The following SCHIP1 variants were observed in gnomAD, a reference collection of about 807,000 sequenced individuals.
SCHIP1 encodes schwannomin interacting protein 1.
A neutral mutation model predicts 29.7 loss-of-function variants in SCHIP1; 8 were observed. That is an observed-to-expected ratio of 0.27 (90% CI 0.16 to 0.49). The LOEUF is 0.49. Ranked by LOEUF, SCHIP1 falls within the 20% of genes least tolerant of loss-of-function variation. The pLI, the probability that SCHIP1 is intolerant of heterozygous loss-of-function variation, is 0.99. For synonymous variants in SCHIP1, 76 were observed against 94.9 expected (o/e 0.80, Z 1.16); for missense variants, 193 against 294.6 (o/e 0.66, Z 2.52).
chr3:159,850,542 C>CAAAAAAAAAAAAAAAAAAAAAAAAAAA (rs61224003), intron 1 of SCHIP1, among the ~76,000 whole-genome samples: 1 of 104,938 alleles, frequency 9.5e-6, no homozygotes, highest in Non-Finnish European at 2.0e-5. Flanking sequence ...GATTCCATCT[C>CAAAAAAAAAAAAAAAAAAAAAAAAAAA]AAAAAAAAAA....
the SCHIP1 span, among the ~76,000 whole-genome samples, chr3:159,614,852 C>T: frequency 2.6e-5 from 4 of 152,190 alleles, no homozygotes; most frequent in African/African-American, 7.2e-5. Flanking sequence ...TGCTATCAGC[C>T]AGGCACTGTG....
the SCHIP1 span, among the ~76,000 whole-genome samples, chr3:159,521,031 C>T: frequency 4.1e-4 from 62 of 152,258 alleles, no homozygotes; most frequent in African/African-American, 1.3e-3. Flanking sequence ...TCAAAGAGAG[C>T]ATATTAAAAT....
the SCHIP1 span, among the ~76,000 whole-genome samples, chr3:159,468,324 A>G: frequency 6.6e-6 from 1 of 152,144 alleles, no homozygotes; most frequent in African/African-American, 2.4e-5. Context: ...GTGTTATCCA[A>G]AAATAAATAT....
the SCHIP1 span, among the ~76,000 whole-genome samples, chr3:159,829,997 T>C: frequency 6.6e-6 from 1 of 152,238 alleles, no homozygotes; most frequent in Non-Finnish European, 1.5e-5. Flanking sequence ...TTTGAATAAG[T>C]TTCTTGCTAC....
the SCHIP1 span, among the ~76,000 whole-genome samples, chr3:159,348,488 C>T: frequency 6.6e-6 from 1 of 152,094 alleles, no homozygotes; most frequent in Non-Finnish European, 1.5e-5. Flanking sequence ...CTATCTAACT[C>T]GTACTTTTTA....
intron 2 of SCHIP1, among the ~76,000 whole-genome samples, chr3:159,883,827 G>A (rs565417478): frequency 2.0e-5 from 3 of 151,948 alleles, no homozygotes; most frequent in Admixed American, 6.6e-5. Context: ...TTGATTTTAC[G>A]CAGACTACTA....
the SCHIP1 span, among the ~76,000 whole-genome samples, chr3:159,833,896 G>A: frequency 2.0e-5 from 3 of 151,978 alleles, no homozygotes; most frequent in South Asian, 2.1e-4. Flanking sequence ...TCCTTATCTT[G>A]CTCACTCCCC....
At chr3:159,626,086 T>TTATA in the SCHIP1 span, among the ~76,000 whole-genome samples, 12 of 103,624 alleles carry the variant, frequency 1.2e-4, 1 homozygote, top group African/African-American at 6.9e-4. Flanking sequence ...AGAGTGCAGC[T>TTATA]TATATAGATA....
chr3:159,275,241 A>G, the SCHIP1 span: 1,969 of 313,950 alleles, frequency 6.3e-3, 15 homozygotes, highest in South Asian at 0.026. Context: ...AGTTTTTTTA[A>G]GTTTCATTTC....
At chr3:159,896,660 TG>T in intron 6 of SCHIP1, 62 bp from the exon 8 acceptor site, 1 of 1,483,754 alleles carries the variant, frequency 6.7e-7, no homozygotes, top group Non-Finnish European at 9.0e-7. Flanking sequence ...CTGTAGCTAT[TG>T]ATTGAAAAGC....
the SCHIP1 span, among the ~76,000 whole-genome samples, chr3:159,345,099 G>C: frequency 6.6e-6 from 1 of 151,712 alleles, no homozygotes; most frequent in African/African-American, 2.4e-5. Flanking sequence ...GTGGTGGTGG[G>C]TGCCTGTAAT....
the SCHIP1 span, chr3:159,273,852 G>T: frequency 8.7e-6 from 14 of 1,613,398 alleles, no homozygotes; most frequent in Non-Finnish European, 9.3e-6. Flanking sequence ...GTTACAACGT[G>T]GGACTGTGAC....
chr3:159,497,514 G>A, the SCHIP1 span, among the ~76,000 whole-genome samples: 9 of 152,008 alleles, frequency 5.9e-5, no homozygotes, highest in Non-Finnish European at 8.8e-5. Flanking sequence ...GGAAGAAACT[G>A]GGGCCCAGAA....
the SCHIP1 span, among the ~76,000 whole-genome samples, chr3:159,288,379 A>C: frequency 1.3e-5 from 2 of 152,252 alleles, no homozygotes; most frequent in Non-Finnish European, 2.9e-5. Context: ...TCACAGTAAA[A>C]AATGAAAATG....
the SCHIP1 span, among the ~76,000 whole-genome samples, chr3:159,583,950 C>T: frequency 6.6e-6 from 1 of 152,164 alleles, no homozygotes; most frequent in East Asian, 1.9e-4. Flanking sequence ...TGCACAATTG[C>T]TCTTGTCCAG....
the SCHIP1 span, among the ~76,000 whole-genome samples, chr3:159,529,391 T>G: frequency 6.6e-6 from 1 of 152,208 alleles, no homozygotes; most frequent in African/African-American, 2.4e-5. Flanking sequence ...AAGTTGCAAG[T>G]CAGGATGTGG....
the SCHIP1 span, among the ~76,000 whole-genome samples, chr3:159,526,088 A>G: frequency 6.6e-6 from 1 of 152,110 alleles, no homozygotes; most frequent in Non-Finnish European, 1.5e-5. Context: ...TGTTCAATAT[A>G]TTTGTCTTTT....
intron 2 of SCHIP1, among the ~76,000 whole-genome samples, chr3:159,871,315 T>C (rs1715247698): frequency 7.2e-6 from 1 of 139,224 alleles, no homozygotes; most frequent in South Asian, 2.5e-4. Context: ...CCCATCACTT[T>C]GTCCGGTCTT....
the SCHIP1 span, among the ~76,000 whole-genome samples, chr3:159,459,354 G>A: frequency 6.6e-6 from 1 of 152,120 alleles, no homozygotes; most frequent in Non-Finnish European, 1.5e-5. Context: ...AATGAAGATT[G>A]AGGGGAGCCT....
Sources: allele counts gnomAD v4.1 joint callset (sites outside exome capture counted in the v4.1 genomes callset), GRCh38; gene constraint gnomAD v4.1.1; transcripts MANE v1.5; gene names NCBI Gene and HGNC (gene_info 2026-07-23, HGNC 2026-07-21).